BTK: variants seen among roughly 807,000 people sequenced by gnomAD.
BTK encodes tyrosine-protein kinase BTK.
Under a neutral mutation model 57.4 loss-of-function variants are expected in BTK, and 5 were observed. That is an observed-to-expected ratio of 0.09 (90% CI 0.05 to 0.18). The LOEUF (loss-of-function observed/expected upper bound fraction) is 0.18. Ranked by LOEUF, BTK falls within the 10% of genes least tolerant of loss-of-function variation. BTK has a pLI of 1.00. For synonymous variants in BTK, 154 were observed against 174.3 expected (o/e 0.88, Z 0.92); for missense variants, 194 against 501.2 (o/e 0.39, Z 5.85).
chrX:101,369,218 C>T (rs1555979929), intron 5 of BTK, among the ~76,000 whole-genome samples: 1 of 112,317 alleles, frequency 8.9e-6, no homozygotes, highest in African/African-American at 3.2e-5. Context: ...AAGAGATGTA[C>T]AGTGCTTTCG....
chrX:101,351,885 C>T (rs1555977079), intron 18 of BTK, among the ~76,000 whole-genome samples: 1 of 111,739 alleles, frequency 8.9e-6, no homozygotes, highest in Non-Finnish European at 1.9e-5. Context: ...CTCATTTAGC[C>T]GGGCGCTGTG....
intron 9 of BTK, 40 bp from the exon 10 acceptor site, chrX:101,359,387 A>G: frequency 1.7e-6 from 2 of 1,181,207 alleles, no homozygotes; most frequent in Non-Finnish European, 2.3e-6. Context: ...TCCTGGTCAT[A>G]AGCAGATTGG....
At chrX:101,387,413 G>A (rs1434264554), upstream of BTK, among the ~76,000 whole-genome samples, 13 of 98,704 alleles carry the variant, frequency 1.3e-4, no homozygotes, top group African/African-American at 4.2e-4. Flanking sequence ...GTGCAGTGGC[G>A]TGATCATGGC....
chrX:101,380,727 A>T (rs1375374811), intron 1 of BTK, among the ~76,000 whole-genome samples: 1 of 111,003 alleles, frequency 9.0e-6, no homozygotes, highest in African/African-American at 3.3e-5. Context: ...TAAAATTTAC[A>T]TATGGCCAGG....
At chrX:101,366,194 C>T (rs998998730) in intron 5 of BTK, among the ~76,000 whole-genome samples, 6 of 105,525 alleles carry the variant, frequency 5.7e-5, no homozygotes, top group African/African-American at 1.8e-4. Flanking sequence ...ATCGCTTGAA[C>T]GCAGGAGGCA....
intron 18 of BTK, among the ~76,000 whole-genome samples, chrX:101,351,960 G>A (rs988707877): frequency 5.5e-5 from 6 of 109,866 alleles, no homozygotes; most frequent in Admixed American, 3.9e-4. Context: ...TCAGGAGATC[G>A]AGACCATCTT....
At chrX:101,387,060 C>T (rs1189079897), upstream of BTK, among the ~76,000 whole-genome samples, 7 of 111,909 alleles carry the variant, frequency 6.3e-5, no homozygotes, top group East Asian at 2.8e-4. Flanking sequence ...CTTGACACCT[C>T]GGGCACTGCC....
At chrX:101,383,844 T>C (rs1261638376) in intron 1 of BTK, among the ~76,000 whole-genome samples, 2 of 111,893 alleles carry the variant, frequency 1.8e-5, no homozygotes, top group Non-Finnish European at 3.8e-5. Flanking sequence ...TGAATCTCCA[T>C]AGAAACTGAA....
intron 3 of BTK, 77 bp downstream of exon 3, chrX:101,374,458 TC>T: frequency 1.2e-6 from 1 of 834,668 alleles, no homozygotes; most frequent in Non-Finnish European, 1.8e-6. Flanking sequence ...GCATCACCAG[TC>T]TATTTACAGA....
Position 101,353,908 on chromosome X carries a change from T to C in BTK, c.1712A>G (p.Tyr571Cys). 1 of 1,211,821 alleles carries C rather than the reference T, an allele frequency of 8.3e-7. No individual in the cohort carries two copies. Residue 571 changes from tyrosine to cysteine, a missense_variant, in exon 17 of 19, where the codon TAT becomes TGT. Coordinates refer to ENST00000308731, the MANE Select transcript of BTK (RefSeq NM_000061.3). ...GTCAGATTTGCTGCTGAACTTGCTA[T>C]ACATCAGGACTTCCGGTGGGGACCA... Reference protein sequence around the residue: ...VRWSPPEVLMYSKFSSKSDIW... With the variant: ...VRWSPPEVLMCSKFSSKSDIW...
At chrX:101,356,691 T>C (rs782102768) in intron 14 of BTK, 93 bp downstream of exon 14, 118 of 1,066,633 alleles carry the variant, frequency 1.1e-4, no homozygotes, top group Middle Eastern at 2.6e-4. Context: ...AAACCTCTCT[T>C]ACTGTAAGTC....
intron 1 of BTK, among the ~76,000 whole-genome samples, chrX:101,383,537 C>G (rs1927519080): frequency 9.6e-6 from 1 of 103,765 alleles, no homozygotes; most frequent in African/African-American, 3.5e-5. Context: ...GCAGACAAAT[C>G]TTTTTTTTTT....
intron 3 of BTK, among the ~76,000 whole-genome samples, chrX:101,373,302 A>T (rs1555980632): frequency 8.9e-6 from 1 of 112,006 alleles, no homozygotes; most frequent in African/African-American, 3.2e-5. Context: ...GAATAAAAAA[A>T]GTACAGAAAG....
At chrX:101,369,939 C>A in intron 5 of BTK, 59 bp downstream of exon 5, 1 of 1,044,510 alleles carries the variant, frequency 9.6e-7, no homozygotes, top group Non-Finnish European at 1.3e-6. Context: ...TCCCGTCTAT[C>A]TCCTCTTCCT....
intron 7 of BTK, among the ~76,000 whole-genome samples, chrX:101,361,653 G>A (rs577881689): frequency 7.2e-5 from 8 of 111,661 alleles, no homozygotes; most frequent in Non-Finnish European, 1.1e-4. Context: ...GGTGGCTCAC[G>A]CCTGTAATCC....
At chrX:101,359,198 C>T in intron 10 of BTK, 95 bp downstream of exon 10, 1 of 989,622 alleles carries the variant, frequency 1.0e-6, no homozygotes, top group Non-Finnish European at 1.4e-6. Flanking sequence ...AGCTTTGACA[C>T]TGCCTTGCCC....
chrX:101,355,841 G>T (rs1926459131), intron 15 of BTK: 1 of 464,241 alleles, frequency 2.2e-6, no homozygotes, highest in Admixed American at 3.1e-5. Context: ...TGACTGCTCT[G>T]ATTCCCACCA....
chrX:101,361,657 G>A (rs1926675438), intron 7 of BTK, among the ~76,000 whole-genome samples: 4 of 111,816 alleles, frequency 3.6e-5, no homozygotes, highest in African/African-American at 1.3e-4. Context: ...GCTCACGCCT[G>A]TAATCCCAGC....
Position 101,362,628 on chromosome X carries a change from C to T in BTK, c.453G>A (p.Gln151=), listed in dbSNP as rs1337926792. The stretch of plus-strand genomic sequence containing the variant: ...TGGCTGTCTGAGAGCAGCAGAGATA[C>T]TGCCCATCGATCCAGAAGCAAGGGT... The part of the protein sequence containing the change: ...KYHPCFWIDG[Q]YLCCSQTAKN... Residue 151 remains glutamine (Q), a synonymous_variant, in exon 6 of 19, where the codon CAG becomes CAA. Transcript: ENST00000308731. The T allele has an allele frequency of 8.3e-7, 1 of 1,210,570 alleles. No homozygotes were observed. Among genetic ancestry groups the T allele is most frequent in the Non-Finnish European group, 1.1e-6 (1 of 895,246 alleles).
Sources: allele counts gnomAD v4.1 joint callset (sites outside exome capture counted in the v4.1 genomes callset), GRCh38; gene constraint gnomAD v4.1.1; transcripts MANE v1.5; gene names NCBI Gene and HGNC (gene_info 2026-07-23, HGNC 2026-07-21).